Variants in RCAN2 observed in about 807,000 individuals in gnomAD.
RCAN2 encodes regulator of calcineurin 2.
A neutral mutation model predicts 23.6 loss-of-function variants in RCAN2; 9 were observed. The ratio of observed to expected loss-of-function variants is 0.38; its 90% CI spans 0.23 to 0.67. The LOEUF (loss-of-function observed/expected upper bound fraction) is 0.67, where lower values mean the gene tolerates loss of function less well. Ranked by LOEUF, RCAN2 falls within the 30% of genes least tolerant of loss-of-function variation. The pLI is 0.51. For synonymous variants in RCAN2, 109 were observed against 115.7 expected, an observed-to-expected ratio of 0.94 and a Z score of 0.37; for missense variants, 273 against 302.3, an observed-to-expected ratio of 0.90 and a Z score of 0.72.
chr6:46,383,555 G>T (rs1434092029), intron 2 of RCAN2, among the ~76,000 whole-genome samples: 1 of 152,076 alleles, frequency 6.6e-6, no homozygotes, highest in Admixed American at 6.5e-5. Context: ...CCCAAGGAAT[G>T]TATATTAAAA....
At chr6:46,242,808 A>G (rs1302076998) in intron 4 of RCAN2, among the ~76,000 whole-genome samples, 1 of 152,236 alleles carries the variant, frequency 6.6e-6, no homozygotes, top group African/African-American at 2.4e-5. Flanking sequence ...AAGCTATAAG[A>G]AAGCAACAAT....
chr6:46,229,331 G>C (rs1765791920), intron 4 of RCAN2, among the ~76,000 whole-genome samples: 1 of 152,152 alleles, frequency 6.6e-6, no homozygotes, highest in African/African-American at 2.4e-5. Flanking sequence ...TGCTAGGTTG[G>C]GGAAGTTCTC....
At chr6:46,405,815 G>T (rs890504994) in intron 2 of RCAN2, among the ~76,000 whole-genome samples, 3 of 152,210 alleles carry the variant, frequency 2.0e-5, no homozygotes, top group Non-Finnish European at 4.4e-5. Flanking sequence ...GTGGAGCAGG[G>T]GGTGGTGCTC....
intron 2 of RCAN2, among the ~76,000 whole-genome samples, chr6:46,408,430 C>G (rs1299497808): frequency 1.3e-5 from 2 of 152,186 alleles, no homozygotes; most frequent in Non-Finnish European, 2.9e-5. Flanking sequence ...AGCCTGACTT[C>G]TCTATATTGC....
chr6:46,436,526 G>A (rs996554098), intron 2 of RCAN2, among the ~76,000 whole-genome samples: 2 of 152,134 alleles, frequency 1.3e-5, no homozygotes, highest in Admixed American at 6.5e-5. Context: ...AGAGTCCCAT[G>A]AGTTTTAAAT....
chr6:46,396,510 G>A (rs1766091309), intron 2 of RCAN2, among the ~76,000 whole-genome samples: 1 of 152,142 alleles, frequency 6.6e-6, no homozygotes, highest in South Asian at 2.1e-4. Flanking sequence ...GTTAAGCAGT[G>A]TGTTTTGAGA....
At chr6:46,317,569 C>A (rs1561856498) in intron 2 of RCAN2, among the ~76,000 whole-genome samples, 1 of 152,182 alleles carries the variant, frequency 6.6e-6, no homozygotes, top group Admixed American at 6.5e-5. Context: ...TAAGGCCATT[C>A]TCCTGCCTCA....
In RCAN2 at chr6:46,401,076, A is replaced by G. The variant is rs568900352; in HGVS notation, c.225+55676T>C. On this transcript the variant is annotated intron_variant, in intron 2 of 4. Transcript: ENST00000371374. ...CAGCCTAGTATAATCAAGAAGGTACAAAGTACAGCCACGTTCCCAGGAGTT... is the reference window on the plus strand; with the variant it reads ...CAGCCTAGTATAATCAAGAAGGTACGAAGTACAGCCACGTTCCCAGGAGTT... Among the ~76,000 whole-genome samples, 11 of 152,354 alleles carry G rather than the reference A, an allele frequency of 7.2e-5. No homozygotes were observed. In the South Asian group the frequency reaches 2.3e-3, roughly 32 times the overall value.
In RCAN2 at chr6:46,222,995, C is replaced by A; in HGVS notation, c.*146G>T. 3 of 775,580 alleles carry A rather than the reference C, an allele frequency of 3.9e-6. No individual in the cohort carries two copies. Among genetic ancestry groups the A allele is most frequent in the Non-Finnish European group, 6.4e-6 (3 of 470,592 alleles). The allele number at this position is 775,580 out of a possible 1,614,324, so 48.0% of individuals were successfully genotyped here. On this transcript the variant is annotated 3_prime_UTR_variant, in exon 5 of 5. Transcript: ENST00000371374. ...CAGGAGACATATCACCTTTTCCTAG[C>A]CCTTTTGTCCGAGAGGCTTGATAAC...
intron 2 of RCAN2, among the ~76,000 whole-genome samples, chr6:46,267,990 G>T (rs1767395286): frequency 6.6e-6 from 1 of 151,774 alleles, no homozygotes; most frequent in South Asian, 2.1e-4. Context: ...AGTAACAAAA[G>T]CAGTGGTAGA....
intron 2 of RCAN2, among the ~76,000 whole-genome samples, chr6:46,314,954 G>A (rs191639684): frequency 2.0e-5 from 3 of 152,316 alleles, no homozygotes; most frequent in Admixed American, 6.5e-5. Flanking sequence ...TCAGCTACCC[G>A]GGAGGCTGAG....
At chr6:46,444,299 T>C (rs965643739) in intron 2 of RCAN2, among the ~76,000 whole-genome samples, 3 of 152,180 alleles carry the variant, frequency 2.0e-5, no homozygotes, top group Non-Finnish European at 4.4e-5. Context: ...AATGAAGGGC[T>C]GTGGGCAGCA....
At chr6:46,284,196 G>A (rs758216955) in intron 2 of RCAN2, among the ~76,000 whole-genome samples, 1 of 152,134 alleles carries the variant, frequency 6.6e-6, no homozygotes, top group African/African-American at 2.4e-5. Context: ...AAAATATGGT[G>A]AAAGGTTAAG....
chr6:46,449,807 C>T (rs1054686138), intron 2 of RCAN2, among the ~76,000 whole-genome samples: 3 of 151,864 alleles, frequency 2.0e-5, no homozygotes, highest in Non-Finnish European at 4.4e-5. Flanking sequence ...TAGCTTATGA[C>T]ATATACAAAA....
chr6:46,281,085 G>C (rs959910628), intron 2 of RCAN2, among the ~76,000 whole-genome samples: 4 of 152,222 alleles, frequency 2.6e-5, no homozygotes, highest in African/African-American at 7.2e-5. Context: ...GGTTCCTGGA[G>C]AAAGGGTCAG....
intron 4 of RCAN2, among the ~76,000 whole-genome samples, chr6:46,242,645 T>C (rs1332359571): frequency 6.6e-6 from 1 of 152,224 alleles, no homozygotes; most frequent in Non-Finnish European, 1.5e-5. Flanking sequence ...TAGTCATTCT[T>C]TAACATGCAA....
At chr6:46,250,357 A>G (rs1304168057) in intron 2 of RCAN2, among the ~76,000 whole-genome samples, 1 of 152,238 alleles carries the variant, frequency 6.6e-6, no homozygotes, top group African/African-American at 2.4e-5. Flanking sequence ...TGTGTTCTTA[A>G]TAGAGAAACT....
At chr6:46,386,370 G>A (rs1248118544) in intron 2 of RCAN2, among the ~76,000 whole-genome samples, 1 of 151,722 alleles carries the variant, frequency 6.6e-6, no homozygotes, top group African/African-American at 2.4e-5. Context: ...AGGCCAAGGC[G>A]AGTGAATCAC....
intron 2 of RCAN2, among the ~76,000 whole-genome samples, chr6:46,337,938 C>A (rs889723624): frequency 3.9e-5 from 6 of 152,122 alleles, no homozygotes; most frequent in African/African-American, 1.4e-4. Context: ...TTTAGACTCA[C>A]CCCTAGAGTG....
Sources: gnomAD v4.1 joint callset for allele counts (sites outside exome capture counted in the v4.1 genomes callset) on GRCh38, gnomAD v4.1.1 for gene constraint, MANE v1.5 for transcripts, NCBI Gene and HGNC (gene_info 2026-07-23, HGNC 2026-07-21) for gene names.